The following PLA2G6 variants were observed in gnomAD, a reference collection of about 807,000 sequenced individuals.
PLA2G6 encodes 85/88 kDa calcium-independent phospholipase A2.
Under a neutral mutation model 83.8 loss-of-function variants are expected in PLA2G6, and 62 were observed. The ratio of observed to expected loss-of-function variants is 0.74; its 90% CI spans 0.60 to 0.91. The LOEUF is 0.91. Ranked by LOEUF, PLA2G6 falls within the 40% of genes least tolerant of loss-of-function variation. The probability of loss-of-function intolerance (pLI) is 0.00; values close to 1 mark genes in which losing one functional copy is unlikely to be tolerated. For synonymous variants in PLA2G6, 417 were observed against 449.8 expected (o/e 0.93, Z 0.92); for missense variants, 944 against 1,102.0 (o/e 0.86, Z 2.03).
intron 4 of PLA2G6, 32 bp from the exon 5 acceptor site, chr22:38,140,201 T>A: frequency 1.2e-6 from 2 of 1,605,078 alleles, no homozygotes; most frequent in South Asian, 2.2e-5. Flanking sequence ...TTTGACTCCA[T>A]AGGATGCTGA....
rs999692781 is a variant in PLA2G6, at chr22:38,111,929, G to T, written c.*232C>A. 5 of 590,930 alleles carry T rather than the reference G, an allele frequency of 8.5e-6. No individual in the cohort carries two copies. Among genetic ancestry groups the T allele is most frequent in the Non-Finnish European group, 1.5e-5 (5 of 330,632 alleles). 36.6% of individuals were successfully genotyped at this position (590,930 alleles called of 1,614,324 possible). ...TGACAGTCAGGGAAAGGGGCCAAAG[G>T]GGGCTCTAGACTTTCCCAGCCTGGA... On this transcript the variant is annotated 3_prime_UTR_variant, in exon 17 of 17. Coordinates refer to ENST00000332509, the MANE Select transcript of PLA2G6 (RefSeq NM_003560.4).
chr22:38,177,212 G>T (rs1200320492), intron 1 of PLA2G6, among the ~76,000 whole-genome samples: 1 of 152,060 alleles, frequency 6.6e-6, no homozygotes, highest in East Asian at 1.9e-4. Flanking sequence ...CACACAGCAG[G>T]TGCTCAATCT....
At position 38,169,238 on chromosome 22, in the gene PLA2G6, C is replaced by T. The variant is rs2090342219; in HGVS notation, c.189G>A (p.Arg63=). ...RTWDCVLVNP[R]NSQSGFRLFQ... is the part of the protein sequence containing the mutation. Reference sequence around the variant, plus strand: ...CCCACCGGAATCCACTCTGTGAGTTCCTGGGGTTGACCAGGACGCAGTCCC... The same window carrying T: ...CCCACCGGAATCCACTCTGTGAGTTTCTGGGGTTGACCAGGACGCAGTCCC... Residue 63 remains arginine (R), a synonymous_variant, in exon 2 of 17, where the codon AGG becomes AGA. Transcript: ENST00000332509. The T allele has an allele frequency of 6.8e-6, 11 of 1,614,012 alleles. No homozygotes were observed. The highest frequency in any genetic ancestry group is 9.3e-6 in the Non-Finnish European group (11 of 1,179,940).
chr22:38,125,069 C>T (rs540377707), intron 10 of PLA2G6, among the ~76,000 whole-genome samples: 1 of 152,294 alleles, frequency 6.6e-6, no homozygotes, highest in African/African-American at 2.4e-5. Flanking sequence ...TGGGTCCCCC[C>T]TTCAGGTGCA....
At chr22:38,122,103 TG>T (rs2087559567) in intron 11 of PLA2G6, among the ~76,000 whole-genome samples, 1 of 152,078 alleles carries the variant, frequency 6.6e-6, no homozygotes, top group Admixed American at 6.5e-5. Flanking sequence ...CCTCCTGGAC[TG>T]GCTGAGCCCC....
Position 38,134,949 on chromosome 22 carries a change from G to A in PLA2G6, c.894+39C>T, listed in dbSNP as rs2272831. ...AGGGCCCTGAGGACCTGCGGGGCCC[G>A]GCCCCCTGCCCCACCCACCCACCTC... On this transcript the variant is annotated intron_variant, in intron 6 of 16. Coordinates refer to ENST00000332509, the MANE Select transcript of PLA2G6 (RefSeq NM_003560.4). 72,606 of 1,285,394 alleles carry A rather than the reference G, an allele frequency of 0.056. 3,844 individuals carry two copies. Among genetic ancestry groups the A allele is most frequent in the South Asian group, 0.13 (10,415 of 82,876 alleles). 79.6% of individuals were successfully genotyped at this position (1,285,394 alleles called of 1,614,324 possible).
chr22:38,156,205 T>C lies in PLA2G6; in HGVS notation c.210-10552A>G, dbSNP rs143164929. Among the ~76,000 whole-genome samples, 471 of 152,250 alleles carry C rather than the reference T, an allele frequency of 3.1e-3. 2 individuals carry two copies. The highest frequency in any genetic ancestry group is 0.011 in the African/African-American group (458 of 41,546). ...GTATTCTTAGAGCTAAAGAGAGAGA[T>C]AGACCTCAATACAATAATAGCTGGA... On this transcript the variant is annotated intron_variant, in intron 2 of 16. Coordinates refer to ENST00000332509, the MANE Select transcript of PLA2G6 (RefSeq NM_003560.4).
intron 2 of PLA2G6, among the ~76,000 whole-genome samples, chr22:38,154,765 A>G (rs1009613204): frequency 6.6e-6 from 1 of 152,248 alleles, no homozygotes; most frequent in Non-Finnish European, 1.5e-5. Flanking sequence ...CACCAAATGA[A>G]CTAATTAAGG....
chr22:38,156,428 C>A (rs2089781461), intron 2 of PLA2G6, among the ~76,000 whole-genome samples: 2 of 151,474 alleles, frequency 1.3e-5, no homozygotes, highest in African/African-American at 4.8e-5. Flanking sequence ...TGGTAGGCCA[C>A]AAAACAAGTC....
At chr22:38,125,746 A>G (rs2087816033) in intron 10 of PLA2G6, 1 of 468,094 alleles carries the variant, frequency 2.1e-6, no homozygotes, top group African/African-American at 2.0e-5. Context: ...AACATGAGAG[A>G]CTAATAAAGA....
At chr22:38,167,533 G>T (rs2090267876) in intron 2 of PLA2G6, among the ~76,000 whole-genome samples, 1 of 152,194 alleles carries the variant, frequency 6.6e-6, no homozygotes, top group Non-Finnish European at 1.5e-5. Flanking sequence ...GCCTGCAGTG[G>T]AGCTCTGAAG....
intron 12 of PLA2G6, among the ~76,000 whole-genome samples, chr22:38,119,644 G>C (rs77394551): frequency 0.067 from 10,191 of 152,138 alleles, 439 homozygotes; most frequent in East Asian, 0.21. Context: ...TGGACAACAT[G>C]GTGAAACCCC....
At chr22:38,112,890 T>C (rs199939203) in intron 15 of PLA2G6, 2 of 67,132 alleles carry the variant, frequency 3.0e-5, no homozygotes, top group Non-Finnish European at 6.2e-5. Flanking sequence ...CCCTCCCTCC[T>C]CTCTCTCTCT....
chr22:38,112,535 AGGCCCGTGCCCG>A lies in PLA2G6; in HGVS notation c.2233_2244del (p.Arg745_Ala748del), dbSNP rs2086935556. 10 of 1,555,050 alleles carry A rather than the reference AGGCCCGTGCCCG, an allele frequency of 6.4e-6. No homozygotes were observed. The highest frequency in any genetic ancestry group is 8.7e-6 in the Non-Finnish European group (10 of 1,150,450). On this transcript the variant is annotated inframe_deletion, in exon 16 of 17. Coordinates refer to ENST00000332509, the MANE Select transcript of PLA2G6 (RefSeq NM_003560.4). Reference sequence around the variant, plus strand: ...TACTGGATGCCGACCATCTCGCACCAGGCCCGTGCCCGGTCCACAGCCCGCCCGTCTGGATCC... The same window carrying A: ...TACTGGATGCCGACCATCTCGCACCAGTCCACAGCCCGCCCGTCTGGATCC...
chr22:38,176,693 G>A (rs955145974), intron 1 of PLA2G6, among the ~76,000 whole-genome samples: 4 of 152,130 alleles, frequency 2.6e-5, no homozygotes, highest in East Asian at 1.9e-4. Context: ...CATGCCTCAC[G>A]GTTGGCAAAG....
In PLA2G6 at chr22:38,112,690, C is replaced by A. The variant is rs1235988164; in HGVS notation, c.2203-113G>T. 4.5e-6 allele frequency: 4 copies of A among 879,450 alleles called. No individual in the cohort carries two copies. In the Admixed American group the frequency reaches 6.0e-5, roughly 13 times the overall value. The allele number at this position is 879,450 out of a possible 1,614,324, so 54.5% of individuals were successfully genotyped here. ...CAGCCTGGGGAGCCCCAGGCTCTTT[C>A]GAGTCAGGCTGAGCCACACAGCAGC... is the stretch of plus-strand genomic sequence containing the variant. On this transcript the variant is annotated intron_variant, in intron 15 of 16. Transcript: ENST00000332509.
chr22:38,111,810 C>T lies in PLA2G6; in HGVS notation c.*351G>A, dbSNP rs140193489. 3.5e-5 allele frequency: 13 copies of T among 368,806 alleles called. No individual in the cohort carries two copies. The highest frequency in any genetic ancestry group is 1.3e-4 in the East Asian group (2 of 14,948). 22.8% of individuals were successfully genotyped at this position (368,806 alleles called of 1,614,324 possible). A position where few individuals can be genotyped will look rare whatever the true frequency, so the allele number is the denominator to read the frequency against. On this transcript the variant is annotated 3_prime_UTR_variant, in exon 17 of 17. Transcript: ENST00000332509. ...GCTGGGGGCTGGGGCAGAGGCAGCC[C>T]GGCAGGCCCTCAGGGAGGCTGGGGC... is the stretch of plus-strand genomic sequence containing the variant.
chr22:38,150,870 T>C (rs541544676), intron 2 of PLA2G6, among the ~76,000 whole-genome samples: 200 of 152,272 alleles, frequency 1.3e-3, no homozygotes, highest in Non-Finnish European at 2.5e-3. Context: ...GCAAATCACT[T>C]GAGCTCAGGA....
At chr22:38,146,744 A>G (rs977234464) in intron 2 of PLA2G6, 2 of 150,782 alleles carry the variant, frequency 1.3e-5, no homozygotes, top group African/African-American at 4.9e-5. Flanking sequence ...AAAATGAGAT[A>G]TTTAAAAAAA....
Sources: allele counts gnomAD v4.1 joint callset (sites outside exome capture counted in the v4.1 genomes callset), GRCh38; gene constraint gnomAD v4.1.1; transcripts MANE v1.5; gene names NCBI Gene and HGNC (gene_info 2026-07-23, HGNC 2026-07-21).